Variants in NRXN3 observed in about 807,000 individuals in gnomAD.
NRXN3 encodes neurexin III.
Under a neutral mutation model 137.6 loss-of-function variants are expected in NRXN3, and 32 were observed. That is an observed-to-expected ratio of 0.23 (90% CI 0.18 to 0.31). The LOEUF is 0.31. NRXN3 is among the 10% of genes least tolerant of loss of function. The pLI, the probability that NRXN3 is intolerant of heterozygous loss-of-function variation, is 1.00. For synonymous variants in NRXN3, 798 were observed against 784.5 expected (o/e 1.02, Z -0.29); for missense variants, 1,574 against 2,062.5 (o/e 0.76, Z 4.59).
In NRXN3 at chr14:79,517,896, C is replaced by CTTTTTTTTTT. The variant is rs34241975; in HGVS notation, c.3444+50512_3444+50521dup. ...TTCTTTCAGAGTTTTCCTGACTTTC[C>CTTTTTTTTTT]TTTTTTTTTTTTTTTTTTTTTTTTT... On this transcript the variant is annotated intron_variant, in intron 16 of 20. Transcript: ENST00000335750. Among the ~76,000 whole-genome samples, 18 of 73,362 alleles carry CTTTTTTTTTT rather than the reference C, an allele frequency of 2.5e-4. 2 individuals are homozygous for CTTTTTTTTTT. The highest frequency in any genetic ancestry group is 4.8e-4 in the East Asian group (1 of 2,072). 48.1% of individuals were successfully genotyped at this position (73,362 alleles called of 152,430 possible). A position where few individuals can be genotyped will look rare whatever the true frequency, so the allele number is the denominator to read the frequency against.
chr14:78,915,373 C>CA (rs1442797779), intron 10 of NRXN3, among the ~76,000 whole-genome samples: 18 of 36,542 alleles, frequency 4.9e-4, no homozygotes, highest in African/African-American at 2.1e-3. Context: ...AAAAAAAAAA[C>CA]CACACAGAAA....
In NRXN3 at chr14:79,350,027, C is replaced by T. The variant is rs145061703; in HGVS notation, c.3263-117194C>T. Reference sequence around the variant, plus strand: ...GCATCACTAGCAAACTAATACAGCCCATAATTTATGACTAGCATTTCATAT... The same window carrying T: ...GCATCACTAGCAAACTAATACAGCCTATAATTTATGACTAGCATTTCATAT... On this transcript the variant is annotated intron_variant, in intron 15 of 20. Transcript: ENST00000335750. Among the ~76,000 whole-genome samples the T allele has an allele frequency of 1.5e-3, 228 of 152,212 alleles. 2 individuals carry two copies. Among genetic ancestry groups the T allele is most frequent in the African/African-American group, 5.1e-3 (211 of 41,548 alleles).
chr14:79,284,325 C>T (rs2081823617), intron 15 of NRXN3, among the ~76,000 whole-genome samples: 1 of 126,044 alleles, frequency 7.9e-6, no homozygotes, highest in Admixed American at 8.7e-5. Flanking sequence ...TGGGGAAACC[C>T]CGTCTCTACT....
chr14:78,384,214 A>T (rs1460726378), intron 4 of NRXN3, among the ~76,000 whole-genome samples: 1 of 152,028 alleles, frequency 6.6e-6, no homozygotes, highest in African/African-American at 2.4e-5. Flanking sequence ...TTTGAGAATC[A>T]TTTTCTCTAG....
chr14:79,632,526 T>A (rs114846734), intron 16 of NRXN3: 39,873 of 151,866 alleles, frequency 0.26, 5,845 homozygotes, highest in African/African-American at 0.4. Flanking sequence ...AGGGGATTCC[T>A]AATCAGGAAG....
In NRXN3 at chr14:79,320,170, A is replaced by G. The variant is rs150038219; in HGVS notation, c.3263-147051A>G. 6.8e-3 allele frequency among the ~76,000 whole-genome samples: 1,030 copies of G among 152,244 alleles called. 9 individuals are homozygous for G. The highest frequency in any genetic ancestry group is 0.024 in the African/African-American group (995 of 41,544). ...CCAAGGTGTCTAATTAATTACTATAATTTTTCAATTCCCTGTGTTCAATAA... is the reference window on the plus strand; with the variant it reads ...CCAAGGTGTCTAATTAATTACTATAGTTTTTCAATTCCCTGTGTTCAATAA... On this transcript the variant is annotated intron_variant, in intron 15 of 20. Transcript: ENST00000335750.
intron 6 of NRXN3, among the ~76,000 whole-genome samples, chr14:78,667,625 G>A (rs2097898256): frequency 6.6e-6 from 1 of 152,162 alleles, no homozygotes; most frequent in Non-Finnish European, 1.5e-5. Flanking sequence ...CAATTGAAAT[G>A]TGGTCAAAGG....
rs1354244504 is a variant in NRXN3, at chr14:78,312,940, A to G, written c.757+15080A>G. Among the ~76,000 whole-genome samples the G allele has an allele frequency of 3.3e-5, 5 of 152,218 alleles. No homozygotes were observed. In the East Asian group the frequency reaches 9.6e-4, roughly 29 times the overall value. ...GATAGTGATTTGTTAAAAGGAAAAA[A>G]GAAAGGCAATGATATTAAATATTTA... On this transcript the variant is annotated intron_variant, in intron 4 of 20. Transcript: ENST00000335750.
intron 2 of NRXN3, among the ~76,000 whole-genome samples, chr14:78,271,749 G>A (rs1052012657): frequency 1.3e-5 from 2 of 152,194 alleles, no homozygotes; most frequent in Admixed American, 6.5e-5. Context: ...GCAATCTGGA[G>A]TTATTAGCAT....
At position 79,753,013 on chromosome 14, in the gene NRXN3, C is replaced by G. The variant is rs1186471373; in HGVS notation, c.4015-52099C>G. Among the ~76,000 whole-genome samples the G allele has an allele frequency of 9.2e-5, 14 of 151,392 alleles. 1 individual carries two copies. ...ATCAGAGAAATGCAAATCAAAACCA[C>G]AATGAGATACCATCTCACACCAGTT... is the stretch of plus-strand genomic sequence containing the variant. On this transcript the variant is annotated intron_variant, in intron 19 of 20. Coordinates refer to ENST00000335750, the MANE Select transcript of NRXN3 (RefSeq NM_001330195.2).
chr14:78,661,413 A>G (rs2097840859), intron 6 of NRXN3, among the ~76,000 whole-genome samples: 1 of 152,250 alleles, frequency 6.6e-6, no homozygotes, highest in Non-Finnish European at 1.5e-5. Context: ...TGCAAGAGCT[A>G]TCAAGCTATT....
intron 15 of NRXN3, among the ~76,000 whole-genome samples, chr14:79,075,742 C>T (rs1043744327): frequency 1.4e-4 from 22 of 152,156 alleles, no homozygotes; most frequent in Non-Finnish European, 3.1e-4. Context: ...CCAAGCAGGA[C>T]GAGGCCTGTA....
chr14:78,999,353 A>C (rs1034180248), intron 15 of NRXN3, among the ~76,000 whole-genome samples: 9 of 152,216 alleles, frequency 5.9e-5, no homozygotes, highest in Admixed American at 5.9e-4. Context: ...AACATGCTTA[A>C]TTTCATCAAC....
intron 16 of NRXN3, among the ~76,000 whole-genome samples, chr14:79,508,532 G>T (rs957191264): frequency 1.3e-5 from 2 of 151,488 alleles, no homozygotes; most frequent in African/African-American, 4.9e-5. Flanking sequence ...TGGGATTACA[G>T]GTGCCTGCTA....
intron 15 of NRXN3, among the ~76,000 whole-genome samples, chr14:79,373,337 A>G (rs1196756543): frequency 6.6e-6 from 1 of 152,206 alleles, no homozygotes; most frequent in African/African-American, 2.4e-5. Flanking sequence ...AAGGAAACTG[A>G]ATAAAAAGCA....
intron 16 of NRXN3, among the ~76,000 whole-genome samples, chr14:79,568,961 T>C (rs1031854699): frequency 3.3e-5 from 5 of 152,272 alleles, no homozygotes; most frequent in Middle Eastern, 3.4e-3. Context: ...CTTCTGAGCA[T>C]TCCCTGAGAC....
chr14:79,748,355 A>G (rs2098986060), intron 19 of NRXN3, among the ~76,000 whole-genome samples: 1 of 152,118 alleles, frequency 6.6e-6, no homozygotes, highest in African/African-American at 2.4e-5. Context: ...ACATATTTTT[A>G]TCCAAATTAT....
chr14:79,197,383 C>G (rs1391352869), intron 15 of NRXN3, among the ~76,000 whole-genome samples: 1 of 152,068 alleles, frequency 6.6e-6, no homozygotes, highest in African/African-American at 2.4e-5. Context: ...GTTAATTTTG[C>G]TAGGAGTAGA....
chr14:79,481,496 G>T (rs1285669445), intron 16 of NRXN3, among the ~76,000 whole-genome samples: 1 of 152,184 alleles, frequency 6.6e-6, no homozygotes, highest in Non-Finnish European at 1.5e-5. Context: ...CTATAAACCT[G>T]CACAGCGTGT....
Sources: allele counts gnomAD v4.1 joint callset (sites outside exome capture counted in the v4.1 genomes callset), GRCh38; gene constraint gnomAD v4.1.1; transcripts MANE v1.5; gene names NCBI Gene and HGNC (gene_info 2026-07-23, HGNC 2026-07-21).